Variants in TP53BP1 observed in about 807,000 individuals in gnomAD.
TP53BP1 encodes TP53-binding protein 1.
In TP53BP1, 61 loss-of-function variants were observed where a neutral mutation model predicts 200.8. The ratio of observed to expected loss-of-function variants is 0.30; its 90% CI spans 0.25 to 0.38. The LOEUF (loss-of-function observed/expected upper bound fraction) is 0.38. Ranked by LOEUF, TP53BP1 falls within the 10% of genes least tolerant of loss-of-function variation. The probability of loss-of-function intolerance (pLI) is 1.00; values close to 1 mark genes in which losing one functional copy is unlikely to be tolerated. For synonymous variants in TP53BP1, 822 were observed against 844.3 expected (o/e 0.97, Z 0.46); for missense variants, 2,144 against 2,371.9 (o/e 0.90, Z 2.00).
rs2046814485 is a variant in TP53BP1, at chr15:43,474,724, A to G, written c.1129T>C (p.Ser377Pro). 5 of 1,613,668 alleles carry G rather than the reference A, an allele frequency of 3.1e-6. No individual in the cohort carries two copies. In the African/African-American group the frequency reaches 4.0e-5, roughly 13 times the overall value. Residue 377 changes from serine to proline, a missense_variant, in exon 10 of 28, where the codon TCT becomes CCT. Around this residue, in one of 4 missense-constraint regions of TP53BP1, gnomAD observed 1,700 missense variants for 1,710.3 expected, o/e 0.99. Transcript: ENST00000382044. ...CTGCTAGGAACGATAAAAGGAGTAG[A>G]TCGGAAAGCATCAGGAGAAGGAGCA... ...LVAPSPDAFR[S>P]TPFIVPSSPT...
intron 18 of TP53BP1, among the ~76,000 whole-genome samples, chr15:43,422,746 C>T (rs537283082): frequency 6.6e-6 from 1 of 152,270 alleles, no homozygotes; most frequent in East Asian, 1.9e-4. Flanking sequence ...GTAATCCCAG[C>T]ACTTTGGGAG....
rs141355330 is a variant in TP53BP1, at chr15:43,432,738, T to G, written c.3192-61A>C. Reference sequence around the variant, plus strand: ...AAGCAAGTGTATGTGTGAACGTGTGTGTGTGCGTGTGCATGTGTGTGTGTA... The same window carrying G: ...AAGCAAGTGTATGTGTGAACGTGTGGGTGTGCGTGTGCATGTGTGTGTGTA... On this transcript the variant is annotated intron_variant, in intron 16 of 27. Coordinates refer to ENST00000382044, the MANE Select transcript of TP53BP1 (RefSeq NM_001141980.3). The G allele has an allele frequency of 9.1e-5, 138 of 1,520,526 alleles. No individual in the cohort carries two copies. The East Asian group carries it at 3.0e-3, about 33-fold the overall frequency. 94.2% of individuals were successfully genotyped at this position (1,520,526 alleles called of 1,614,324 possible).
chr15:43,496,296 G>A (rs1415427282), upstream of TP53BP1, among the ~76,000 whole-genome samples: 4 of 152,004 alleles, frequency 2.6e-5, no homozygotes, highest in Non-Finnish European at 5.9e-5. Flanking sequence ...GTCTTTAACT[G>A]CTATCTTTAA....
At chr15:43,473,124 G>A (rs951920100) in intron 10 of TP53BP1, among the ~76,000 whole-genome samples, 7 of 152,156 alleles carry the variant, frequency 4.6e-5, no homozygotes, top group Admixed American at 1.3e-4. Flanking sequence ...GCTGGCTTTA[G>A]GAGTGAAGCT....
Position 43,404,344 on chromosome 15 carries a change from C to T in TP53BP1, c.*3039G>A, listed in dbSNP as rs117404587. 666 of 1,580,872 alleles carry T rather than the reference C, an allele frequency of 4.2e-4. No individual in the cohort carries two copies. Among genetic ancestry groups the T allele is most frequent in the Non-Finnish European group, 5.4e-4 (630 of 1,159,552 alleles). ...GGCTTTTCCAAGAAACTCCTCCCTC[C>T]GCCCCCATCCTCCATATGGAGAGTT... On this transcript the variant is annotated 3_prime_UTR_variant, in exon 28 of 28. Coordinates refer to ENST00000382044, the MANE Select transcript of TP53BP1 (RefSeq NM_001141980.3).
intron 14 of TP53BP1, among the ~76,000 whole-genome samples, chr15:43,444,364 C>A (rs562124151): frequency 6.6e-6 from 1 of 152,318 alleles, no homozygotes. Flanking sequence ...ACCTCAGCCT[C>A]TGGCATTGCT....
Position 43,475,565 on chromosome 15 carries a change from G to C in TP53BP1, c.1085C>G (p.Thr362Arg), listed in dbSNP as rs116252997. ...CATAAGCTATTTTAGGCTTACTTAC[G>C]TGGAAAGACTGTCCTGAACAAGGGA... ...QRSLVQDSLS[T>R]NSSDLVAPSP... Residue 362 changes from threonine to arginine, a missense_variant and splice_region_variant, in exon 9 of 28, where the codon ACG becomes AGG. Transcript: ENST00000382044. The C allele has an allele frequency of 1.3e-4, 211 of 1,613,898 alleles. No homozygotes were observed. The highest frequency in any genetic ancestry group is 1.6e-4 in the Non-Finnish European group (183 of 1,179,986).
rs1442966697 is a variant in TP53BP1, at chr15:43,439,937, T to A, written c.3099-1521A>T. Among the ~76,000 whole-genome samples the A allele has an allele frequency of 7.2e-5, 11 of 152,322 alleles. No homozygotes were observed. The East Asian group carries it at 2.1e-3, about 29-fold the overall frequency. ...ACTTTCTTCAGCTTCTAAGACTATA[T>A]ATCATTAAGGGATCTTCAAATGAAA... is the stretch of plus-strand genomic sequence containing the variant. On this transcript the variant is annotated intron_variant, in intron 15 of 27. Transcript: ENST00000382044.
Position 43,422,072 on chromosome 15 carries a change from A to G in TP53BP1, c.3883T>C (p.Ser1295Pro). Residue 1295 changes from serine to proline, a missense_variant, in exon 19 of 28, where the codon TCA becomes CCA. This residue lies in a region of TP53BP1 where 1,700 missense variants were observed against 1,710.3 expected (regional missense o/e 0.99). Transcript: ENST00000382044. ...TCACCTGAGGAGCCCCCAGTCTGTGAAGGGGAAACTTCAGTTTCACACTCC... is the reference window on the plus strand; with the variant it reads ...TCACCTGAGGAGCCCCCAGTCTGTGGAGGGGAAACTTCAGTTTCACACTCC... Reference protein sequence around the residue: ...CQECETEVSPSQTGGSSGDLG... With the variant: ...CQECETEVSPPQTGGSSGDLG... 6.2e-7 allele frequency: 1 copy of G among 1,614,178 alleles called. No individual in the cohort carries two copies. Among genetic ancestry groups the G allele is most frequent in the African/African-American group, 1.3e-5 (1 of 75,030 alleles).
chr15:43,432,812 G>C (rs1342384417), intron 16 of TP53BP1, 135 bp from the exon 17 acceptor site: 3 of 963,530 alleles, frequency 3.1e-6, no homozygotes, highest in Admixed American at 2.8e-5. Flanking sequence ...TGTAAGGAAG[G>C]GAGAAAGTCA....
At chr15:43,475,769 A>G in intron 8 of TP53BP1, 75 bp from the exon 9 acceptor site, 1 of 1,513,924 alleles carries the variant, frequency 6.6e-7, no homozygotes, top group Non-Finnish European at 9.0e-7. Context: ...AGTACTGCAA[A>G]GAGTAATATC....
intron 14 of TP53BP1, among the ~76,000 whole-genome samples, chr15:43,443,251 T>G (rs1313441867): frequency 6.6e-6 from 1 of 152,126 alleles, no homozygotes; most frequent in East Asian, 1.9e-4. Context: ...ATTTATATCA[T>G]ATTAAAAACA....
chr15:43,430,556 T>C (rs1428321499), intron 17 of TP53BP1, among the ~76,000 whole-genome samples: 1 of 152,178 alleles, frequency 6.6e-6, no homozygotes, highest in Non-Finnish European at 1.5e-5. Flanking sequence ...ATGAGAGGTA[T>C]ATCAATAATG....
chr15:43,486,989 C>G (rs996399407), intron 4 of TP53BP1, among the ~76,000 whole-genome samples: 1 of 151,832 alleles, frequency 6.6e-6, no homozygotes, highest in African/African-American at 2.4e-5. Flanking sequence ...CAGCTCTCAC[C>G]AAAATTAAAA....
At chr15:43,414,072 G>C (rs1461979055) in intron 23 of TP53BP1, 6 of 464,724 alleles carry the variant, frequency 1.3e-5, no homozygotes, top group Non-Finnish European at 2.2e-5. Context: ...CTGAATCGTA[G>C]GTTCATTAGG....
intron 18 of TP53BP1, among the ~76,000 whole-genome samples, chr15:43,426,660 C>G (rs1474326240): frequency 6.6e-6 from 1 of 151,846 alleles, no homozygotes; most frequent in Non-Finnish European, 1.5e-5. Flanking sequence ...TCCCTGAGTA[C>G]AACCTCCTAC....
At chr15:43,438,100 T>C (rs45544834) in intron 16 of TP53BP1, among the ~76,000 whole-genome samples, 2 of 152,226 alleles carry the variant, frequency 1.3e-5, no homozygotes, top group Admixed American at 1.3e-4. Context: ...TGCATACATA[T>C]GGGCAGTGCC....
chr15:43,420,055 G>A (rs767132817), intron 21 of TP53BP1, among the ~76,000 whole-genome samples: 1 of 152,184 alleles, frequency 6.6e-6, no homozygotes, highest in Non-Finnish European at 1.5e-5. Flanking sequence ...GGAACTCTCT[G>A]TACTAGCAGT....
In TP53BP1 at chr15:43,413,342, G is replaced by A; in HGVS notation, c.5090-8C>T. 1.2e-6 allele frequency: 2 copies of A among 1,611,614 alleles called. No homozygotes were observed. The highest frequency in any genetic ancestry group is 1.7e-5 in the Admixed American group (1 of 59,818). ...CTCCTGCCCCTACTGCACCTGGGAA[G>A]GACAGGGGCACAGTTACTAGAGGGA... On this transcript the variant is annotated splice_region_variant and splice_polypyrimidine_tract_variant and intron_variant, in intron 23 of 27. Coordinates refer to ENST00000382044, the MANE Select transcript of TP53BP1 (RefSeq NM_001141980.3).
Sources: gnomAD v4.1 joint callset for allele counts (sites outside exome capture counted in the v4.1 genomes callset) on GRCh38, gnomAD v4.1.1 for gene constraint, gnomAD v4.1.1 regional missense constraint, MANE v1.5 for transcripts, NCBI Gene and HGNC (gene_info 2026-07-23, HGNC 2026-07-21) for gene names.